The following SPRR2G variants were observed in gnomAD, a reference collection of about 807,000 sequenced individuals.
SPRR2G encodes the protein small proline rich protein 2G.
A neutral mutation model predicts 0.7 loss-of-function variants in SPRR2G; 1 was observed. The observed-to-expected ratio is 1.49, with a 90% CI of 0.53 to 7.06. SPRR2G has a LOEUF of 7.06. SPRR2G is among the 30% of genes most tolerant of loss of function. SPRR2G has a pLI of 0.14. For missense variants in SPRR2G, 96 were observed against 88.5 expected, an observed-to-expected ratio of 1.09 and a Z score of -0.34; for synonymous variants, 38 against 33.9, an observed-to-expected ratio of 1.12 and a Z score of -0.42.
the SPRR2G span, among the ~76,000 whole-genome samples, chr1:153,189,002 A>G: frequency 7.2e-5 from 11 of 152,150 alleles, no homozygotes; most frequent in African/African-American, 2.2e-4. Flanking sequence ...ACCAGTCCCA[A>G]TGAGATGAAC....
chr1:153,166,454 G>T, the SPRR2G span, among the ~76,000 whole-genome samples: 5 of 151,996 alleles, frequency 3.3e-5, no homozygotes, highest in African/African-American at 1.2e-4. Flanking sequence ...AAGCCTTTTT[G>T]TTGTTGTTGT....
rs1420597803 is a variant in SPRR2G at position 153,149,742 on chromosome 1, A to G, written c.*147T>C. 7.9e-6 allele frequency: 8 copies of G among 1,017,988 alleles called. No homozygotes were observed. The African/African-American group carries it at 1.3e-4, about 16-fold the overall frequency. 63.1% of individuals were successfully genotyped at this position (1,017,988 alleles called of 1,614,324 possible). Reference sequence around the variant, plus strand: ...AACAACATATCGGTTTTCAGAACTAAGCCTTTTCTCTGTCAACGCTCAAGC... The same window carrying G: ...AACAACATATCGGTTTTCAGAACTAGGCCTTTTCTCTGTCAACGCTCAAGC... On this transcript the variant is annotated 3_prime_UTR_variant, in exon 2 of 2. Coordinates refer to ENST00000368748, the MANE Select transcript of SPRR2G (RefSeq NM_001014291.4).
chr1:153,197,015 C>A, the SPRR2G span, among the ~76,000 whole-genome samples: 1 of 152,144 alleles, frequency 6.6e-6, no homozygotes, highest in African/African-American at 2.4e-5. Flanking sequence ...AAGAGAATGA[C>A]TCCCATTTAC....
At chr1:153,195,027 G>A in the SPRR2G span, among the ~76,000 whole-genome samples, 1 of 152,166 alleles carries the variant, frequency 6.6e-6, no homozygotes, top group Non-Finnish European at 1.5e-5. Context: ...CATCAACACA[G>A]GAAAGATGAC....
the SPRR2G span, among the ~76,000 whole-genome samples, chr1:153,199,049 G>A: frequency 6.6e-6 from 1 of 152,194 alleles, no homozygotes; most frequent in South Asian, 2.1e-4. Flanking sequence ...AGTCAAATAG[G>A]ATAAACCCTG....
At chr1:153,172,978 A>C in the SPRR2G span, among the ~76,000 whole-genome samples, 1 of 152,232 alleles carries the variant, frequency 6.6e-6, no homozygotes. Context: ...ATAATTCTAG[A>C]ATTAACTTTG....
chr1:153,176,427 G>A, the SPRR2G span: 1 of 152,020 alleles, frequency 6.6e-6, no homozygotes, highest in East Asian at 1.9e-4. Flanking sequence ...AGATCCCACT[G>A]GCATGAATAA....
the SPRR2G span, among the ~76,000 whole-genome samples, chr1:153,192,330 T>G: frequency 1.3e-5 from 2 of 152,138 alleles, no homozygotes; most frequent in Non-Finnish European, 2.9e-5. Flanking sequence ...ATTCAGTGAT[T>G]ATGGAAGTTT....
the SPRR2G span, among the ~76,000 whole-genome samples, chr1:153,199,316 GC>G: frequency 1.3e-5 from 2 of 152,190 alleles, no homozygotes; most frequent in Non-Finnish European, 2.9e-5. Flanking sequence ...GCTTGCCAAT[GC>G]CTAGGCGCTA....
the SPRR2G span, among the ~76,000 whole-genome samples, chr1:153,164,973 T>A: frequency 6.6e-6 from 1 of 152,258 alleles, no homozygotes; most frequent in African/African-American, 2.4e-5. Flanking sequence ...GGTGCAAACT[T>A]TTGGGAAATT....
chr1:153,197,540 G>A, the SPRR2G span, among the ~76,000 whole-genome samples: 1 of 152,012 alleles, frequency 6.6e-6, no homozygotes, highest in African/African-American at 2.4e-5. Context: ...AATATTCACT[G>A]AGCATCTATT....
At chr1:153,197,821 G>A in the SPRR2G span, among the ~76,000 whole-genome samples, 1 of 152,110 alleles carries the variant, frequency 6.6e-6, no homozygotes. Context: ...AAAGGAGGGG[G>A]ATACTCCAGT....
the SPRR2G span, among the ~76,000 whole-genome samples, chr1:153,167,904 A>T: frequency 6.6e-6 from 1 of 152,228 alleles, no homozygotes; most frequent in Non-Finnish European, 1.5e-5. Context: ...ACTTGCTAAT[A>T]ATATGGCAAT....
the SPRR2G span, among the ~76,000 whole-genome samples, chr1:153,159,745 C>A: frequency 5.3e-5 from 8 of 152,162 alleles, no homozygotes; most frequent in Non-Finnish European, 1.0e-4. Context: ...GGAAGCAAGG[C>A]GTGTCTTACA....
the SPRR2G span, among the ~76,000 whole-genome samples, chr1:153,199,058 T>C: frequency 6.6e-6 from 1 of 152,212 alleles, no homozygotes; most frequent in Non-Finnish European, 1.5e-5. Flanking sequence ...GGATAAACCC[T>C]GAACCATGTC....
At chr1:153,169,268 A>G in the SPRR2G span, among the ~76,000 whole-genome samples, 1 of 152,108 alleles carries the variant, frequency 6.6e-6, no homozygotes, top group Non-Finnish European at 1.5e-5. Context: ...CTTCCTGATA[A>G]AAGGCCACCT....
chr1:153,165,341 C>G, the SPRR2G span, among the ~76,000 whole-genome samples: 2 of 152,216 alleles, frequency 1.3e-5, no homozygotes, highest in South Asian at 4.1e-4. Flanking sequence ...ACAGAGGAAG[C>G]CTACTACAGA....
the SPRR2G span, among the ~76,000 whole-genome samples, chr1:153,166,568 C>T: frequency 1.2e-4 from 18 of 152,188 alleles, no homozygotes; most frequent in Admixed American, 7.2e-4. Context: ...TGATGCTGCA[C>T]CCTCAAATAA....
At chr1:153,175,007 T>C in the SPRR2G span, among the ~76,000 whole-genome samples, 1 of 152,216 alleles carries the variant, frequency 6.6e-6, no homozygotes, top group Non-Finnish European at 1.5e-5. Context: ...TTATTAATTG[T>C]GCTATGATGT....
Sources: gnomAD v4.1 joint callset for allele counts (sites outside exome capture counted in the v4.1 genomes callset) on GRCh38, gnomAD v4.1.1 for gene constraint, MANE v1.5 for transcripts, NCBI Gene and HGNC (gene_info 2026-07-23, HGNC 2026-07-21) for gene names.